SLC16A10: variants seen among roughly 807,000 people sequenced by gnomAD.
The protein encoded by SLC16A10 is solute carrier family 16 member 10, also known as monocarboxylate transporter 10.
SLC16A10 carries 27 observed loss-of-function variants against 40.0 expected under a neutral mutation model. The ratio of observed to expected loss-of-function variants is 0.67; its 90% CI spans 0.50 to 0.93. SLC16A10 has a LOEUF of 0.93. Ranked by LOEUF, SLC16A10 falls within the 40% of genes least tolerant of loss-of-function variation. The pLI is 0.00. For synonymous variants in SLC16A10, 213 were observed against 249.8 expected, an observed-to-expected ratio of 0.85 and a Z score of 1.39; for missense variants, 529 against 658.2, an observed-to-expected ratio of 0.80 and a Z score of 2.15.
intron 4 of SLC16A10, among the ~76,000 whole-genome samples, chr6:111,216,224 G>C (rs1196593046): frequency 6.6e-6 from 1 of 152,132 alleles, no homozygotes; most frequent in East Asian, 1.9e-4. Context: ...AACCTGCCAG[G>C]CTGTAGGCCC....
intron 1 of SLC16A10, among the ~76,000 whole-genome samples, chr6:111,158,998 C>A (rs1772322385): frequency 7.2e-6 from 1 of 139,788 alleles, no homozygotes; most frequent in Non-Finnish European, 1.5e-5. Flanking sequence ...GGTCAATTGA[C>A]CAGAGGCTAT....
At chr6:111,116,280 C>CA (rs1373310905) in intron 1 of SLC16A10, among the ~76,000 whole-genome samples, 1 of 151,874 alleles carries the variant, frequency 6.6e-6, no homozygotes, top group Admixed American at 6.6e-5. Flanking sequence ...TGCAGTGGCG[C>CA]AATCTCGGCT....
chr6:111,177,284 A>G lies in SLC16A10; in HGVS notation c.561A>G (p.Ser187=). The G allele has an allele frequency of 1.2e-6, 2 of 1,609,410 alleles. No homozygotes were observed. The highest frequency in any genetic ancestry group is 1.7e-4 in the Middle Eastern group (1 of 6,020). The part of the protein sequence containing the change: ...ACGCSFAYQP[S]LVILGHYFKK... Reference sequence around the variant, plus strand: ...GCTGCTCCTTTGCATACCAGCCTTCATTGGTCATTTTGGGACACTATTTCA... The same window carrying G: ...GCTGCTCCTTTGCATACCAGCCTTCGTTGGTCATTTTGGGACACTATTTCA... The change falls in exon 3 of 6, where the codon TCA becomes TCG. Residue 187 remains serine (S), a synonymous_variant. Transcript: ENST00000368851.
intron 1 of SLC16A10, among the ~76,000 whole-genome samples, chr6:111,138,843 T>G (rs1005762408): frequency 6.6e-6 from 1 of 152,140 alleles, no homozygotes; most frequent in Non-Finnish European, 1.5e-5. Context: ...CTGACAGTTT[T>G]GGGGCTTATG....
chr6:111,154,029 CT>C (rs1562415010), intron 1 of SLC16A10, among the ~76,000 whole-genome samples: 1 of 152,038 alleles, frequency 6.6e-6, no homozygotes, highest in African/African-American at 2.4e-5. Context: ...AGTATTTTTC[CT>C]GGTGGTCCAG....
intron 1 of SLC16A10, among the ~76,000 whole-genome samples, chr6:111,089,914 T>TG (rs1770943028): frequency 1.0e-5 from 1 of 95,476 alleles, no homozygotes; most frequent in Non-Finnish European, 2.1e-5. Context: ...GTGGGTTTTT[T>TG]TTTTTTTTTT....
intron 1 of SLC16A10, among the ~76,000 whole-genome samples, chr6:111,117,923 A>C (rs1435263463): frequency 6.6e-6 from 1 of 152,190 alleles, no homozygotes; most frequent in Non-Finnish European, 1.5e-5. Context: ...TCAAGGAGAG[A>C]ACTGGAGGGA....
intron 1 of SLC16A10, among the ~76,000 whole-genome samples, chr6:111,125,190 A>G (rs1301331488): frequency 1.3e-5 from 2 of 152,364 alleles, no homozygotes; most frequent in Non-Finnish European, 1.5e-5. Context: ...GACGTATTTT[A>G]ATCCAAAGAT....
Position 111,222,689 on chromosome 6 carries a change from G to T in SLC16A10, c.*454G>T. 1 of 164,862 alleles carries T rather than the reference G, an allele frequency of 6.1e-6. No homozygotes were observed. Among genetic ancestry groups the T allele is most frequent in the Non-Finnish European group, 1.3e-5 (1 of 77,676 alleles). The allele number at this position is 164,862 out of a possible 1,614,324, so 10.2% of individuals were successfully genotyped here. A position where few individuals can be genotyped will look rare whatever the true frequency, so the allele number is the denominator to read the frequency against. On this transcript the variant is annotated 3_prime_UTR_variant, in exon 6 of 6. Coordinates refer to ENST00000368851, the MANE Select transcript of SLC16A10 (RefSeq NM_018593.5). ...GAAACTTTTTGCAAAATTTAAGCCTGGGTTCTAGATAATACCAGATCTACC... is the reference window on the plus strand; with the variant it reads ...GAAACTTTTTGCAAAATTTAAGCCTTGGTTCTAGATAATACCAGATCTACC...
chr6:111,183,171 C>G (rs1562425193), intron 3 of SLC16A10, among the ~76,000 whole-genome samples: 1 of 152,312 alleles, frequency 6.6e-6, no homozygotes, highest in Non-Finnish European at 1.5e-5. Flanking sequence ...GAGCTTCCAT[C>G]GCTGTCCCTT....
intron 1 of SLC16A10, among the ~76,000 whole-genome samples, chr6:111,102,277 T>A (rs1377481901): frequency 1.3e-5 from 2 of 152,248 alleles, no homozygotes; most frequent in Non-Finnish European, 2.9e-5. Flanking sequence ...TTTAGAAAAC[T>A]TGAATCAGTT....
At chr6:111,133,307 G>A (rs1432159779) in intron 1 of SLC16A10, among the ~76,000 whole-genome samples, 3 of 152,180 alleles carry the variant, frequency 2.0e-5, no homozygotes, top group South Asian at 2.1e-4. Flanking sequence ...CATAGAGAAC[G>A]CTCTAGGACT....
chr6:111,191,506 A>G (rs1772991605), intron 3 of SLC16A10, among the ~76,000 whole-genome samples: 1 of 152,226 alleles, frequency 6.6e-6, no homozygotes, highest in Non-Finnish European at 1.5e-5. Flanking sequence ...TTATAATAGA[A>G]TGATTTATAA....
chr6:111,108,925 G>T (rs1430390969), intron 1 of SLC16A10, among the ~76,000 whole-genome samples: 1 of 152,028 alleles, frequency 6.6e-6, no homozygotes. Context: ...GTCATTATGA[G>T]CAACACAATA....
Position 111,222,112 on chromosome 6 carries a change from G to C in SLC16A10, c.1425G>C (p.Lys475Asn). The C allele has an allele frequency of 6.2e-7, 1 of 1,607,346 alleles. No individual in the cohort carries two copies. Reference sequence around the variant, plus strand: ...GTTTTATCCCGTGGATCCATAGTAAGAAGCAAAGAGAGATCAGTAAAACCA... The same window carrying C: ...GTTTTATCCCGTGGATCCATAGTAACAAGCAAAGAGAGATCAGTAAAACCA... ...VLCFIPWIHS[K>N]KQREISKTTG... The change falls in exon 6 of 6, where the codon AAG becomes AAC. Residue 475 changes from lysine (K) to asparagine (N), a missense_variant. By Grantham distance (94) the Lys-to-Asn change is moderately conservative. Transcript: ENST00000368851.
chr6:111,093,107 T>C (rs968711588), intron 1 of SLC16A10, among the ~76,000 whole-genome samples: 1 of 151,770 alleles, frequency 6.6e-6, no homozygotes, highest in Non-Finnish European at 1.5e-5. Context: ...CTCTGCTAGA[T>C]ACTGGAAAAC....
intron 1 of SLC16A10, among the ~76,000 whole-genome samples, chr6:111,162,325 A>T (rs1772385487): frequency 6.6e-6 from 1 of 152,228 alleles, no homozygotes; most frequent in Non-Finnish European, 1.5e-5. Flanking sequence ...ATGGGTTTGT[A>T]TCCTCAAATA....
intron 3 of SLC16A10, among the ~76,000 whole-genome samples, chr6:111,180,191 G>A (rs527503833): frequency 6.6e-6 from 1 of 152,288 alleles, no homozygotes; most frequent in East Asian, 1.9e-4. Flanking sequence ...CAACAATGCA[G>A]TACCTGTGGT....
chr6:111,185,015 G>C (rs970365447), intron 3 of SLC16A10, among the ~76,000 whole-genome samples: 4 of 152,160 alleles, frequency 2.6e-5, no homozygotes, highest in Admixed American at 6.5e-5. Context: ...CACGCAAATA[G>C]GAACAGCATA....
Sources: gnomAD v4.1 joint callset for allele counts (sites outside exome capture counted in the v4.1 genomes callset) on GRCh38, gnomAD v4.1.1 for gene constraint, MANE v1.5 for transcripts, NCBI Gene and HGNC (gene_info 2026-07-23, HGNC 2026-07-21) for gene names.